The following CORO7 variants were observed in gnomAD, a reference collection of about 807,000 sequenced individuals.
CORO7 encodes coronin 7, also known as coronin-7.
A neutral mutation model predicts 126.6 loss-of-function variants in CORO7; 107 were observed. That is an observed-to-expected ratio of 0.85 (90% CI 0.72 to 0.99). The LOEUF (loss-of-function observed/expected upper bound fraction) is 0.99, where lower values mean the gene tolerates loss of function less well. CORO7 is among the 50% of genes least tolerant of loss of function. The probability of loss-of-function intolerance (pLI) is 0.00; values close to 1 mark genes in which losing one functional copy is unlikely to be tolerated. For synonymous variants in CORO7, 603 were observed against 536.8 expected (o/e 1.12, Z -1.70); for missense variants, 1,314 against 1,255.8 (o/e 1.05, Z -0.70).
At position 4,362,163 on chromosome 16, in the gene CORO7, G is replaced by A. The variant is rs2054202490; in HGVS notation, c.1403-3C>T. Reference sequence around the variant, plus strand: ...ATGGCGGAACTTGGAACTGGGGCCTGGCAGGTGGCAGGGACATGGAACCAC... The same window carrying A: ...ATGGCGGAACTTGGAACTGGGGCCTAGCAGGTGGCAGGGACATGGAACCAC... On this transcript the variant is annotated splice_region_variant and splice_polypyrimidine_tract_variant and intron_variant, in intron 15 of 27. Coordinates refer to ENST00000251166, the MANE Select transcript of CORO7 (RefSeq NM_024535.5). The surrounding 1 kb of genome is among the most constrained non-coding windows in gnomAD (Gnocchi z 5.3). 3.1e-6 allele frequency: 5 copies of A among 1,604,580 alleles called. No individual in the cohort carries two copies. The South Asian group carries it at 4.4e-5, about 14-fold the overall frequency.
intron 9 of CORO7, among the ~76,000 whole-genome samples, chr16:4,385,213 A>G (rs1306572350): frequency 6.6e-6 from 1 of 152,154 alleles, no homozygotes; most frequent in Non-Finnish European, 1.5e-5. Context: ...CATGTGGGTG[A>G]CACATGCTCT....
At chr16:4,410,965 C>T (rs746140040) in intron 3 of CORO7, among the ~76,000 whole-genome samples, 4 of 152,244 alleles carry the variant, frequency 2.6e-5, no homozygotes, top group Non-Finnish European at 5.9e-5. Flanking sequence ...AGCAGATCAG[C>T]TGTTGCCTGA....
At chr16:4,359,271 G>T in intron 23 of CORO7, 25 bp downstream of exon 23, 1 of 1,575,370 alleles carries the variant, frequency 6.3e-7, no homozygotes, top group Non-Finnish European at 8.6e-7. Flanking sequence ...GTCCCATCGG[G>T]GACGAGGCGC....
At chr16:4,365,364 TAC>T (rs2054315927) in intron 10 of CORO7, 125 bp downstream of exon 10, 2 of 1,383,088 alleles carry the variant, frequency 1.4e-6, no homozygotes, top group African/African-American at 2.9e-5. Flanking sequence ...CTAGGAGAGC[TAC>T]AGTCACCTTG....
intron 6 of CORO7, among the ~76,000 whole-genome samples, chr16:4,401,143 G>C (rs545188806): frequency 6.6e-6 from 1 of 152,162 alleles, no homozygotes; most frequent in Admixed American, 6.6e-5. Context: ...GGGAAACCGC[G>C]GGGAAGAACT....
At chr16:4,391,769 C>A (rs554606900) in intron 7 of CORO7, among the ~76,000 whole-genome samples, 21 of 152,332 alleles carry the variant, frequency 1.4e-4, no homozygotes, top group Admixed American at 7.8e-4. Flanking sequence ...GTCTCCCCAG[C>A]TCCTCATTCT....
intron 3 of CORO7, among the ~76,000 whole-genome samples, chr16:4,410,322 G>T (rs775963955): frequency 5.3e-5 from 8 of 152,108 alleles, no homozygotes; most frequent in Non-Finnish European, 1.2e-4. Context: ...CTACTAGGGA[G>T]GCTGAGGATA....
At chr16:4,379,274 G>A (rs2054866777) in intron 9 of CORO7, among the ~76,000 whole-genome samples, 1 of 152,104 alleles carries the variant, frequency 6.6e-6, no homozygotes, top group African/African-American at 2.4e-5. Context: ...CCTGGGGATG[G>A]GCTGGCACCC....
intron 9 of CORO7, among the ~76,000 whole-genome samples, chr16:4,366,259 C>G (rs2054343989): frequency 6.6e-6 from 1 of 152,208 alleles, no homozygotes; most frequent in South Asian, 2.1e-4. Flanking sequence ...GAGGCAGGAG[C>G]AGGGCGGGGT....
chr16:4,358,712 TACGTGCC>T (rs1392667149), intron 23 of CORO7: 9 of 432,172 alleles, frequency 2.1e-5, no homozygotes, highest in Non-Finnish European at 3.7e-5. Context: ...GGGCAGCTTC[TACGTGCC>T]ACCTCCACTC....
In CORO7 at chr16:4,361,348, C is replaced by T; in HGVS notation, c.1687+13G>A. 6.2e-7 allele frequency: 1 copy of T among 1,611,728 alleles called. No individual in the cohort carries two copies. ...AGGACCCTCCCTCAAGCCCAGGCAC[C>T]CAGCCTCCTTACCCACAGCGAGGCG... is the stretch of plus-strand genomic sequence containing the variant. On this transcript the variant is annotated intron_variant, in intron 17 of 27. Transcript: ENST00000251166.
Position 4,407,616 on chromosome 16 carries a change from G to A in CORO7, c.372C>T (p.Pro124=), listed in dbSNP as rs1470809747. The change falls in exon 5 of 28, where the codon CCC becomes CCT. Residue 124 remains proline, a synonymous_variant. Coordinates refer to ENST00000251166, the MANE Select transcript of CORO7 (RefSeq NM_024535.5). ...LPSAPGVVLG[P]EDLPVEVLQF... is the part of the protein sequence containing the mutation. ...GCAGTACCTCCACTGGGAGGTCCTC[G>A]GGGCCCAGCACCACCCCGGGTGCTG... 3.4e-5 allele frequency: 55 copies of A among 1,602,350 alleles called. No homozygotes were observed. In the Middle Eastern group the frequency reaches 8.2e-4, roughly 24 times the overall value.
At chr16:4,412,319 G>C in intron 3 of CORO7, 37 bp downstream of exon 3, 1 of 1,611,234 alleles carries the variant, frequency 6.2e-7, no homozygotes, top group South Asian at 1.1e-5. Flanking sequence ...GGAGGTGCAA[G>C]TTTCAGGCTT....
intron 2 of CORO7, chr16:4,412,847 G>T (rs1357888158): frequency 8.7e-6 from 2 of 231,184 alleles, no homozygotes; most frequent in Non-Finnish European, 8.5e-6. Context: ...TCTGCCTGAA[G>T]CCCCTGATCT....
At position 4,407,244 on chromosome 16, in the gene CORO7, G is replaced by A. The variant is rs369670242; in HGVS notation, c.487+257C>T. Among the ~76,000 whole-genome samples, 28 of 151,666 alleles carry A rather than the reference G, an allele frequency of 1.8e-4. 1 individual carries two copies. In the East Asian group the frequency reaches 2.5e-3, roughly 14 times the overall value. On this transcript the variant is annotated intron_variant, in intron 5 of 27. Transcript: ENST00000251166. ...ATTACAGGCATGAGCCACCGCGCCC[G>A]GCCATTATTTTTTTAAATGGAGAAA... is the stretch of plus-strand genomic sequence containing the variant.
At chr16:4,392,643 C>T (rs1015170554) in intron 7 of CORO7, among the ~76,000 whole-genome samples, 33 of 152,228 alleles carry the variant, frequency 2.2e-4, no homozygotes. Context: ...CCCCCAGCCA[C>T]ACCCCACTAG....
In CORO7 at chr16:4,362,313, C is replaced by T. The variant is rs562210694; in HGVS notation, c.1403-153G>A. Among the ~76,000 whole-genome samples, 17 of 152,268 alleles carry T rather than the reference C, an allele frequency of 1.1e-4. No homozygotes were observed. Among genetic ancestry groups the T allele is most frequent in the Middle Eastern group, 3.4e-3 (1 of 294 alleles). On this transcript the variant is annotated intron_variant, in intron 15 of 27. Transcript: ENST00000251166. The surrounding 1 kb of genome is among the most constrained non-coding windows in gnomAD (Gnocchi z 5.3). The stretch of plus-strand genomic sequence containing the variant: ...CTTTGCTAATCCAGTGGATGCAACT[C>T]GCCCAGGAATAATGTCTGGAATGAT...
chr16:4,355,945 TTTTTA>T (rs1438431613), intron 26 of CORO7, among the ~76,000 whole-genome samples: 8 of 152,112 alleles, frequency 5.3e-5, no homozygotes, highest in Admixed American at 5.2e-4. Flanking sequence ...ACCTGGTTAA[TTTTTA>T]TTTTATTTAT....
intron 6 of CORO7, 31 bp downstream of exon 6, chr16:4,405,459 GC>G: frequency 1.2e-6 from 2 of 1,605,424 alleles, no homozygotes; most frequent in African/African-American, 1.3e-5. Context: ...CCTGCACAGA[GC>G]CCCACAGGGC....
Sources: gnomAD v4.1 joint callset for allele counts (sites outside exome capture counted in the v4.1 genomes callset) on GRCh38, gnomAD v4.1.1 for gene constraint, Gnocchi (gnomAD v3.1) non-coding constraint, MANE v1.5 for transcripts, NCBI Gene and HGNC (gene_info 2026-07-23, HGNC 2026-07-21) for gene names.